CAAP1: variants seen among roughly 807,000 people sequenced by gnomAD.
CAAP1 encodes caspase activity and apoptosis inhibitor 1.
CAAP1 carries 20 observed loss-of-function variants against 34.0 expected under a neutral mutation model. That is an observed-to-expected ratio of 0.59 (90% CI 0.41 to 0.86). CAAP1 has a LOEUF of 0.86. Among genes scored for constraint, CAAP1 ranks in the 40% least tolerant of loss-of-function variants. The pLI is 0.00. For missense variants in CAAP1, 538 were observed against 450.5 expected (o/e 1.19, Z -1.76); for synonymous variants, 213 against 166.7 (o/e 1.28, Z -2.14).
intron 4 of CAAP1, among the ~76,000 whole-genome samples, chr9:26,881,754 C>A (rs1005841440): frequency 1.3e-5 from 2 of 152,130 alleles, no homozygotes. Context: ...AACTTTGGAA[C>A]TGGATAACAG....
chr9:26,854,497 T>C (rs1028160243), intron 5 of CAAP1, among the ~76,000 whole-genome samples: 2 of 147,708 alleles, frequency 1.4e-5, no homozygotes, highest in African/African-American at 5.4e-5. Context: ...ATGTATCTTC[T>C]TCTTGTGGGT....
At chr9:26,863,384 T>C (rs922183390) in intron 4 of CAAP1, among the ~76,000 whole-genome samples, 2 of 152,168 alleles carry the variant, frequency 1.3e-5, no homozygotes, top group African/African-American at 4.8e-5. Context: ...ATTTAAAATC[T>C]ATACTAGCTA....
chr9:26,876,217 A>AT (rs1823423916), intron 4 of CAAP1, among the ~76,000 whole-genome samples: 1 of 152,122 alleles, frequency 6.6e-6, no homozygotes, highest in Non-Finnish European at 1.5e-5. Flanking sequence ...CAAGCACATC[A>AT]TTTTAATCTC....
Position 26,862,343 on chromosome 9 carries a change from G to A in CAAP1, c.666-1204C>T, listed in dbSNP as rs981555903. ...CATTAGTCTTAAGTATCTTCCTTTA[G>A]AGAAAACGTTTGCTTTCACACATCC... On this transcript the variant is annotated intron_variant, in intron 4 of 5. Transcript: ENST00000333916. 2.0e-5 allele frequency among the ~76,000 whole-genome samples: 3 copies of A among 151,556 alleles called. No individual in the cohort carries two copies. In the South Asian group the frequency reaches 6.2e-4, roughly 31 times the overall value.
intron 2 of CAAP1, 136 bp downstream of exon 2, chr9:26,887,177 A>G: frequency 3.6e-6 from 2 of 553,586 alleles, no homozygotes; most frequent in East Asian, 6.4e-5. Flanking sequence ...ACGCCACCAC[A>G]CTCCAGCCTG....
chr9:26,863,874 C>T (rs547156655), intron 4 of CAAP1, among the ~76,000 whole-genome samples: 1 of 151,850 alleles, frequency 6.6e-6, no homozygotes, highest in Admixed American at 6.6e-5. Context: ...TCATTGTAGC[C>T]TCGACTTCCT....
intron 4 of CAAP1, among the ~76,000 whole-genome samples, chr9:26,882,167 G>T (rs1396982019): frequency 2.6e-5 from 4 of 152,300 alleles, no homozygotes; most frequent in African/African-American, 9.6e-5. Flanking sequence ...CTACAGAAAA[G>T]AAAAACCCAT....
intron 1 of CAAP1, among the ~76,000 whole-genome samples, chr9:26,890,730 G>C (rs1456816486): frequency 6.6e-6 from 1 of 152,176 alleles, no homozygotes; most frequent in Non-Finnish European, 1.5e-5. Context: ...TGGATCACGA[G>C]GTCAGGAGAT....
chr9:26,861,023 C>A (rs368467899), intron 5 of CAAP1, 43 bp downstream of exon 5: 492 of 1,356,020 alleles, frequency 3.6e-4, no homozygotes, highest in Non-Finnish European at 4.4e-4. Context: ...TGCTTCTATT[C>A]TTCAGGTAAA....
At chr9:26,856,284 T>C (rs1822868899) in intron 5 of CAAP1, among the ~76,000 whole-genome samples, 2 of 152,216 alleles carry the variant, frequency 1.3e-5, no homozygotes, top group South Asian at 4.1e-4. Flanking sequence ...TCATTTTATA[T>C]ACCATTTAAT....
chr9:26,856,744 A>G (rs193170877), intron 5 of CAAP1, among the ~76,000 whole-genome samples: 1 of 152,302 alleles, frequency 6.6e-6, no homozygotes, highest in Non-Finnish European at 1.5e-5. Flanking sequence ...GGCCATACAG[A>G]AAAAAATCTA....
At chr9:26,870,763 T>C (rs959275771) in intron 4 of CAAP1, among the ~76,000 whole-genome samples, 29 of 151,652 alleles carry the variant, frequency 1.9e-4, no homozygotes, top group African/African-American at 7.0e-4. Flanking sequence ...AATATAGGCA[T>C]GCGCCATCAC....
At chr9:26,847,115 C>G (rs970655330) in intron 5 of CAAP1, among the ~76,000 whole-genome samples, 1 of 143,268 alleles carries the variant, frequency 7.0e-6, no homozygotes, top group Non-Finnish European at 1.5e-5. Flanking sequence ...ATATCTTGGT[C>G]ATTTTTTTTC....
Position 26,892,671 on chromosome 9 carries a change from G to C in CAAP1, c.45C>G (p.Ser15Arg). The change falls in exon 1 of 6, where the codon AGC (serine) becomes AGG (arginine). Residue 15 changes from serine to arginine, a missense_variant. By Grantham distance (110) the Ser-to-Arg change is moderately radical. Around this residue, in one of 3 missense-constraint regions of CAAP1, gnomAD observed 514 missense variants for 408.4 expected, o/e 1.26. Coordinates refer to ENST00000333916, the MANE Select transcript of CAAP1 (RefSeq NM_024828.4). ...CGAGCGCTGCGGCCGCCTCCTGACT[G>C]CTACGTTTGCGCCGTTTCTCCCGGG... ...KSSREKRRKRSSQEAAAALAA... is the reference protein window; with the variant it reads ...KSSREKRRKRRSQEAAAALAA... 1 of 1,606,136 alleles carries C rather than the reference G, an allele frequency of 6.2e-7. No individual in the cohort carries two copies. Among genetic ancestry groups the C allele is most frequent in the Non-Finnish European group, 8.5e-7 (1 of 1,178,902 alleles).
chr9:26,890,244 A>AATC (rs1823866929), intron 1 of CAAP1, among the ~76,000 whole-genome samples: 1 of 151,748 alleles, frequency 6.6e-6, no homozygotes, highest in Non-Finnish European at 1.5e-5. Flanking sequence ...GGTGGCGGGC[A>AATC]CCTGTAATCC....
intron 4 of CAAP1, among the ~76,000 whole-genome samples, chr9:26,877,127 G>T (rs1220429412): frequency 6.6e-6 from 1 of 152,150 alleles, no homozygotes; most frequent in Non-Finnish European, 1.5e-5. Context: ...ATGGGCAAAA[G>T]AGCGAGACCT....
In CAAP1 at chr9:26,884,837, G is replaced by A. The variant is rs576347270; in HGVS notation, c.638C>T (p.Ser213Phe). The change falls in exon 4 of 6, where the codon TCT (serine) becomes TTT (phenylalanine). Residue 213 changes from serine to phenylalanine, a missense_variant. By Grantham distance (155) the Ser-to-Phe change is radical (BLOSUM62 -2). This residue lies in a region of CAAP1 where 514 missense variants were observed against 408.4 expected (regional missense o/e 1.26). Coordinates refer to ENST00000333916, the MANE Select transcript of CAAP1 (RefSeq NM_024828.4). ...SDMEEEADDGSKMGSDLVSQQ... is the reference protein window; with the variant it reads ...SDMEEEADDGFKMGSDLVSQQ... ...ACTGACTAAATCAGATCCCATCTTA[G>A]AACCATCATCTGCTTCCTCTTCCAT... is the stretch of plus-strand genomic sequence containing the variant. 1 of 1,609,476 alleles carries A rather than the reference G, an allele frequency of 6.2e-7. No homozygotes were observed. The highest frequency in any genetic ancestry group is 1.1e-5 in the South Asian group (1 of 90,956).
intron 5 of CAAP1, among the ~76,000 whole-genome samples, chr9:26,847,211 T>A (rs1303588035): frequency 2.1e-5 from 2 of 95,974 alleles, no homozygotes; most frequent in African/African-American, 8.3e-5. Context: ...TTTTTTTTTT[T>A]TTTTTTTTTT....
chr9:26,872,339 C>A (rs530044990), intron 4 of CAAP1, among the ~76,000 whole-genome samples: 1 of 152,058 alleles, frequency 6.6e-6, no homozygotes, highest in Non-Finnish European at 1.5e-5. Context: ...CATAAGAAAC[C>A]TAACTGTTAA....
Sources: gnomAD v4.1 joint callset for allele counts (sites outside exome capture counted in the v4.1 genomes callset) on GRCh38, gnomAD v4.1.1 for gene constraint, gnomAD v4.1.1 regional missense constraint, MANE v1.5 for transcripts, NCBI Gene and HGNC (gene_info 2026-07-23, HGNC 2026-07-21) for gene names.